The following CAPZB variants were observed in gnomAD, a reference collection of about 807,000 sequenced individuals.
The protein encoded by CAPZB is F-actin-capping protein subunit beta.
Under a neutral mutation model 38.1 loss-of-function variants are expected in CAPZB, and 2 were observed. The ratio of observed to expected loss-of-function variants is 0.05; its 90% CI spans 0.02 to 0.17. The LOEUF is 0.17. CAPZB is among the 10% of genes least tolerant of loss of function. The pLI, the probability that CAPZB is intolerant of heterozygous loss-of-function variation, is 1.00. For missense variants in CAPZB, 161 were observed against 334.2 expected (o/e 0.48, Z 4.04); for synonymous variants, 107 against 127.4 (o/e 0.84, Z 1.08).
intron 7 of CAPZB, 107 bp downstream of exon 7, chr1:19,345,080 G>A: frequency 1.2e-6 from 1 of 853,292 alleles, no homozygotes; most frequent in Non-Finnish European, 2.0e-6. Flanking sequence ...CGGCTGCGGT[G>A]GAGCTGAGAG....
intron 2 of CAPZB, among the ~76,000 whole-genome samples, chr1:19,413,324 C>T (rs1332518954): frequency 1.3e-5 from 2 of 152,126 alleles, no homozygotes; most frequent in Non-Finnish European, 2.9e-5. Context: ...CAGCTGAGAC[C>T]CTTTTAGAAA....
Position 19,480,884 on chromosome 1 carries a change from G to A in CAPZB, c.3+4552C>T, listed in dbSNP as rs78031274. Among the ~76,000 whole-genome samples, 557 of 152,332 alleles carry A rather than the reference G, an allele frequency of 3.7e-3. 7 individuals carry two copies. The highest frequency in any genetic ancestry group is 0.013 in the African/African-American group (521 of 41,570). On this transcript the variant is annotated intron_variant, in intron 1 of 8. Coordinates refer to ENST00000264202, the MANE Select transcript of CAPZB (RefSeq NM_004930.5). Reference sequence around the variant, plus strand: ...GTGGAGAAAAACGGTTTGCTCTGGAGTCAGAAAACCCAATTCCTCCACTTA... The same window carrying A: ...GTGGAGAAAAACGGTTTGCTCTGGAATCAGAAAACCCAATTCCTCCACTTA...
intron 7 of CAPZB, 151 bp downstream of exon 7, chr1:19,345,036 A>G: frequency 1.5e-6 from 1 of 663,132 alleles, no homozygotes; most frequent in Non-Finnish European, 2.7e-6. Flanking sequence ...CTCCAAAAAT[A>G]TGAGGCCAGG....
At position 19,339,452 on chromosome 1, in the gene CAPZB, G is replaced by T; in HGVS notation, c.*78C>A. ...CCTGTCGGGGAGGGAAGGGACGAGG[G>T]AAGGGAGCAGAAAACGAGTTTTCTA... On this transcript the variant is annotated 3_prime_UTR_variant, in exon 9 of 9. Transcript: ENST00000264202. 9.8e-7 allele frequency: 1 copy of T among 1,021,982 alleles called. No individual in the cohort carries two copies. Among genetic ancestry groups the T allele is most frequent in the Non-Finnish European group, 1.6e-6 (1 of 639,834 alleles). The allele number at this position is 1,021,982 out of a possible 1,614,324, so 63.3% of individuals were successfully genotyped here. A position where few individuals can be genotyped will look rare whatever the true frequency, so the allele number is the denominator to read the frequency against.
At chr1:19,374,705 G>A (rs1164183644) in intron 4 of CAPZB, among the ~76,000 whole-genome samples, 5 of 152,228 alleles carry the variant, frequency 3.3e-5, no homozygotes, top group Non-Finnish European at 5.9e-5. Context: ...GGGGACACCA[G>A]CCACTTTCCT....
At chr1:19,346,692 C>G (rs61766682) in intron 6 of CAPZB, among the ~76,000 whole-genome samples, 12,472 of 150,150 alleles carry the variant, frequency 0.083, 781 homozygotes, top group African/African-American at 0.17. Flanking sequence ...TGGTTAAGAG[C>G]GGGGTGAGCA....
At chr1:19,444,619 T>A (rs1029594317) in intron 1 of CAPZB, among the ~76,000 whole-genome samples, 7 of 152,162 alleles carry the variant, frequency 4.6e-5, no homozygotes, top group African/African-American at 1.7e-4. Flanking sequence ...TGCCTGAAAC[T>A]GACACAAAGG....
At chr1:19,395,743 G>T (rs189104865) in intron 2 of CAPZB, among the ~76,000 whole-genome samples, 1 of 152,322 alleles carries the variant, frequency 6.6e-6, no homozygotes, top group African/African-American at 2.4e-5. Context: ...AGAAGCCAGG[G>T]TCTCTCTAAG....
intron 2 of CAPZB, among the ~76,000 whole-genome samples, chr1:19,416,834 C>G (rs1321069640): frequency 8.1e-6 from 1 of 124,064 alleles, no homozygotes; most frequent in African/African-American, 3.2e-5. Flanking sequence ...ACACTCTAGC[C>G]TGGGTGACAG....
intron 1 of CAPZB, among the ~76,000 whole-genome samples, chr1:19,457,851 AG>A (rs2094537773): frequency 6.6e-6 from 1 of 152,140 alleles, no homozygotes; most frequent in African/African-American, 2.4e-5. Flanking sequence ...ATCGCTTATA[AG>A]GAAAAAAAAG....
chr1:19,448,826 C>A (rs540022745), intron 1 of CAPZB: 1 of 1,612,684 alleles, frequency 6.2e-7, no homozygotes, highest in Non-Finnish European at 8.5e-7. Context: ...ATCTAAAGTG[C>A]GTGTCACCTT....
intron 2 of CAPZB, among the ~76,000 whole-genome samples, chr1:19,393,716 G>C (rs576526873): frequency 6.6e-5 from 10 of 152,236 alleles, no homozygotes; most frequent in Non-Finnish European, 1.0e-4. Context: ...CCAAGTGCCC[G>C]GTCACGGCAG....
intron 1 of CAPZB, among the ~76,000 whole-genome samples, chr1:19,455,331 G>C (rs542143617): frequency 5.1e-4 from 77 of 152,328 alleles, no homozygotes; most frequent in African/African-American, 1.8e-3. Flanking sequence ...CATAGAGAGA[G>C]AGTCTATTTC....
At chr1:19,409,117 G>T (rs76415130) in intron 2 of CAPZB, among the ~76,000 whole-genome samples, 5 of 152,096 alleles carry the variant, frequency 3.3e-5, no homozygotes, top group African/African-American at 1.2e-4. Context: ...TTCCTTGAAC[G>T]TGAGTTGGGA....
intron 4 of CAPZB, among the ~76,000 whole-genome samples, chr1:19,374,806 A>G (rs988445154): frequency 2.0e-5 from 3 of 152,228 alleles, no homozygotes; most frequent in African/African-American, 7.2e-5. Flanking sequence ...GCCTGAACCC[A>G]TCTGCCAACC....
intron 2 of CAPZB, among the ~76,000 whole-genome samples, chr1:19,391,490 T>G (rs1235938359): frequency 6.6e-6 from 1 of 152,252 alleles, no homozygotes; most frequent in Non-Finnish European, 1.5e-5. Context: ...CACGCCAGAA[T>G]GCTGCAGCTG....
At position 19,345,199 on chromosome 1, in the gene CAPZB, C is replaced by A. The variant is rs1459732067; in HGVS notation, c.642G>T (p.Gly214=). The A allele has an allele frequency of 1.2e-6, 2 of 1,613,998 alleles. No individual in the cohort carries two copies. The highest frequency in any genetic ancestry group is 1.7e-5 in the Admixed American group (1 of 60,030). ...SDCSPHIANI[G]RLVEDMENKI... ...CCAGGTCACTCACCTCTACCAGGCG[C>A]CCGATGTTGGCTATGTGTGGGGAGC... Residue 214 remains glycine, a synonymous_variant, in exon 7 of 9, where the codon GGG becomes GGT. Coordinates refer to ENST00000264202, the MANE Select transcript of CAPZB (RefSeq NM_004930.5).
At chr1:19,398,568 G>A (rs1002907144) in intron 2 of CAPZB, among the ~76,000 whole-genome samples, 23 of 152,168 alleles carry the variant, frequency 1.5e-4, no homozygotes, top group African/African-American at 3.4e-4. Flanking sequence ...GGGTTGCTTC[G>A]CTGTTCTCAG....
chr1:19,414,788 C>G (rs2094372044), intron 2 of CAPZB, among the ~76,000 whole-genome samples: 1 of 152,194 alleles, frequency 6.6e-6, no homozygotes. Context: ...GGAACATCTT[C>G]ACATCATATG....
Sources: gnomAD v4.1 joint callset for allele counts (sites outside exome capture counted in the v4.1 genomes callset) on GRCh38, gnomAD v4.1.1 for gene constraint, MANE v1.5 for transcripts, NCBI Gene and HGNC (gene_info 2026-07-23, HGNC 2026-07-21) for gene names.